The following TDRP variants were observed in gnomAD, a reference collection of about 807,000 sequenced individuals.
TDRP encodes testis development related protein, also known as testis development-related protein.
In TDRP, 12 loss-of-function variants were observed where a neutral mutation model predicts 10.5. The observed-to-expected ratio is 1.15, with a 90% CI of 0.73 to 1.86. The LOEUF is 1.86. TDRP is among the 40% of genes most tolerant of loss of function. TDRP has a pLI of 0.00. For synonymous variants in TDRP, 139 were observed against 95.4 expected (o/e 1.46, Z -2.67); for missense variants, 353 against 229.2 (o/e 1.54, Z -3.49).
intron 1 of TDRP, among the ~76,000 whole-genome samples, chr8:511,614 T>C (rs1019108245): frequency 6.6e-6 from 1 of 152,202 alleles, no homozygotes; most frequent in African/African-American, 2.4e-5. Context: ...AACAGATAGT[T>C]ACAGAACTCT....
intron 1 of TDRP, among the ~76,000 whole-genome samples, chr8:514,050 C>A (rs965933560): frequency 1.3e-5 from 2 of 152,128 alleles, no homozygotes; most frequent in African/African-American, 4.8e-5. Context: ...CAATGAAACC[C>A]CTATCACAAT....
upstream of TDRP, chr8:545,051 C>A (rs2116895488): frequency 4.1e-6 from 1 of 241,548 alleles, no homozygotes; most frequent in African/African-American, 2.3e-5. Context: ...AGACCCGCCC[C>A]CAAACCTTCC....
In TDRP at chr8:490,706, T is replaced by G. The variant is rs149703543; in HGVS notation, c.*1693A>C. The G allele has an allele frequency of 6.6e-6, 1 of 152,360 alleles. No homozygotes were observed. The highest frequency in any genetic ancestry group is 1.9e-4 in the East Asian group (1 of 5,194). The allele number at this position is 152,360 out of a possible 1,614,324, so 9.4% of individuals were successfully genotyped here. On this transcript the variant is annotated 3_prime_UTR_variant, in exon 3 of 3. Coordinates refer to ENST00000324079, the MANE Select transcript of TDRP (RefSeq NM_001384899.1). ...CTATTTACCTGAGGAAACTTAGAAT[T>G]TGTCAACTTAGCTGTTATACTAAAA...
chr8:496,382 T>C (rs946417585), intron 1 of TDRP, among the ~76,000 whole-genome samples: 3 of 152,218 alleles, frequency 2.0e-5, no homozygotes, highest in African/African-American at 7.2e-5. Context: ...GGAAGGACCA[T>C]GTGCAGTCAC....
At chr8:501,383 G>C (rs1200666828) in intron 1 of TDRP, among the ~76,000 whole-genome samples, 1 of 151,592 alleles carries the variant, frequency 6.6e-6, no homozygotes, top group Non-Finnish European at 1.5e-5. Flanking sequence ...GTCTTTCTCT[G>C]TTGCCCAGGC....
chr8:538,749 T>C (rs1802414235), intron 1 of TDRP, among the ~76,000 whole-genome samples: 2 of 152,244 alleles, frequency 1.3e-5, no homozygotes, highest in African/African-American at 4.8e-5. Context: ...TCATTAGGCT[T>C]GTGAACATCT....
chr8:518,226 A>G (rs1355939271), intron 1 of TDRP, among the ~76,000 whole-genome samples: 1 of 152,156 alleles, frequency 6.6e-6, no homozygotes, highest in African/African-American at 2.4e-5. Context: ...GGTAGGGGCC[A>G]GGAGGCACCT....
At chr8:537,188 C>T (rs1322416681) in intron 1 of TDRP, among the ~76,000 whole-genome samples, 1 of 152,238 alleles carries the variant, frequency 6.6e-6, no homozygotes, top group Non-Finnish European at 1.5e-5. Context: ...TGGCTCCCTT[C>T]CTGGGCTGGC....
chr8:492,321 C>A lies in TDRP; in HGVS notation c.*78G>T. The stretch of plus-strand genomic sequence containing the variant: ...AAAGTAGACTCTCTATTCTTTCTAA[C>A]GCGGAAAAGACTCAACAACTACATG... On this transcript the variant is annotated 3_prime_UTR_variant, in exon 3 of 3. Transcript: ENST00000324079. 7.2e-7 allele frequency: 1 copy of A among 1,385,040 alleles called. No homozygotes were observed. The highest frequency in any genetic ancestry group is 9.4e-7 in the Non-Finnish European group (1 of 1,065,848). 85.8% of individuals were successfully genotyped at this position (1,385,040 alleles called of 1,614,324 possible). A position where few individuals can be genotyped will look rare whatever the true frequency, so the allele number is the denominator to read the frequency against.
At chr8:525,107 G>A (rs909245582) in intron 1 of TDRP, among the ~76,000 whole-genome samples, 2 of 152,172 alleles carry the variant, frequency 1.3e-5, no homozygotes, top group African/African-American at 4.8e-5. Context: ...AGCTCCGATA[G>A]GTCTGGCAGC....
At chr8:536,180 C>G (rs1446798285) in intron 1 of TDRP, among the ~76,000 whole-genome samples, 2 of 152,178 alleles carry the variant, frequency 1.3e-5, no homozygotes, top group Non-Finnish European at 2.9e-5. Flanking sequence ...TCATTCTACC[C>G]TTCAGTGGCT....
Position 490,582 on chromosome 8 carries a change from T to TAC in TDRP, c.*1815_*1816dup, listed in dbSNP as rs1800941046. The stretch of plus-strand genomic sequence containing the variant: ...AGACCATGTTAGCCAAAAACAAACC[T>TAC]ACACTGACTTCCGCTGGAAAGTATT... On this transcript the variant is annotated 3_prime_UTR_variant, in exon 3 of 3. Coordinates refer to ENST00000324079, the MANE Select transcript of TDRP (RefSeq NM_001384899.1). 1 of 152,198 alleles carries TAC rather than the reference T, an allele frequency of 6.6e-6. No homozygotes were observed. The allele number at this position is 152,198 out of a possible 1,614,324, so 9.4% of individuals were successfully genotyped here.
chr8:496,103 C>T (rs1801125553), intron 1 of TDRP, among the ~76,000 whole-genome samples: 1 of 152,160 alleles, frequency 6.6e-6, no homozygotes, highest in Non-Finnish European at 1.5e-5. Flanking sequence ...CAGCTTTCCA[C>T]ATCACACACT....
intron 1 of TDRP, among the ~76,000 whole-genome samples, chr8:527,708 G>T (rs1032033638): frequency 6.6e-6 from 1 of 152,104 alleles, no homozygotes; most frequent in Non-Finnish European, 1.5e-5. Flanking sequence ...TCCACATGCA[G>T]AAGAATGAAA....
intron 1 of TDRP, among the ~76,000 whole-genome samples, chr8:525,117 C>G (rs898977877): frequency 2.0e-5 from 3 of 152,146 alleles, no homozygotes; most frequent in African/African-American, 7.2e-5. Context: ...GGTCTGGCAG[C>G]AGGCTTTTCA....
At position 544,691 on chromosome 8, in the gene TDRP, C is replaced by T; in HGVS notation, c.67G>A (p.Gly23Arg). 8.0e-7 allele frequency: 1 copy of T among 1,245,918 alleles called. No homozygotes were observed. Among genetic ancestry groups the T allele is most frequent in the Non-Finnish European group, 1.0e-6 (1 of 996,092 alleles). The allele number at this position is 1,245,918 out of a possible 1,614,324, so 77.2% of individuals were successfully genotyped here. A position where few individuals can be genotyped will look rare whatever the true frequency, so the allele number is the denominator to read the frequency against. ...EPPEEEDGLR[G>R]GPPPAAAAAA... ...GCGGCGGCGGCCGGTGGCGGCCCCC[C>T]ACGCAGGCCGTCCTCCTCCTCGGGG... The change falls in exon 1 of 3, where the codon GGG (glycine) becomes AGG (arginine). Residue 23 changes from glycine to arginine, a missense_variant. Coordinates refer to ENST00000324079, the MANE Select transcript of TDRP (RefSeq NM_001384899.1).
At chr8:508,903 T>C (rs1450283860) in intron 1 of TDRP, among the ~76,000 whole-genome samples, 1 of 152,214 alleles carries the variant, frequency 6.6e-6, no homozygotes, top group African/African-American at 2.4e-5. Context: ...ACAATGGAGA[T>C]ACAGACATTG....
chr8:513,828 A>G (rs954033684), intron 1 of TDRP, among the ~76,000 whole-genome samples: 1 of 152,248 alleles, frequency 6.6e-6, no homozygotes, highest in Non-Finnish European at 1.5e-5. Flanking sequence ...ATACACGAAA[A>G]TCAATTGCGT....
intron 1 of TDRP, among the ~76,000 whole-genome samples, chr8:507,424 C>A (rs1396876104): frequency 6.6e-6 from 1 of 152,166 alleles, no homozygotes; most frequent in Non-Finnish European, 1.5e-5. Context: ...CAAACTGTTC[C>A]TTCACAGAAG....
Sources: gnomAD v4.1 joint callset for allele counts (sites outside exome capture counted in the v4.1 genomes callset) on GRCh38, gnomAD v4.1.1 for gene constraint, MANE v1.5 for transcripts, NCBI Gene and HGNC (gene_info 2026-07-23, HGNC 2026-07-21) for gene names.